Variants in PELI2 observed in about 807,000 individuals in gnomAD.
PELI2 encodes pellino E3 ubiquitin protein ligase family member 2.
A neutral mutation model predicts 42.3 loss-of-function variants in PELI2; 23 were observed. The observed-to-expected ratio is 0.54, with a 90% CI of 0.39 to 0.77. PELI2 has a LOEUF of 0.77. PELI2 is among the 30% of genes least tolerant of loss of function. PELI2 has a pLI of 0.00. For synonymous variants in PELI2, 245 were observed against 212.2 expected (o/e 1.15, Z -1.34); for missense variants, 463 against 553.2 (o/e 0.84, Z 1.64).
intron 3 of PELI2, among the ~76,000 whole-genome samples, chr14:56,284,044 A>G (rs762640333): frequency 9.2e-5 from 14 of 152,218 alleles, no homozygotes; most frequent in Non-Finnish European, 1.9e-4. Flanking sequence ...CGTTTTAGTC[A>G]TTCCCATTAA....
chr14:56,295,257 T>C (rs886226405), intron 5 of PELI2, among the ~76,000 whole-genome samples: 6 of 151,922 alleles, frequency 3.9e-5, no homozygotes, highest in Non-Finnish European at 7.4e-5. Flanking sequence ...TTTTGAAAGG[T>C]CAATCAGTTC....
Position 56,121,161 on chromosome 14 carries a change from A to C in PELI2, c.77+2424A>C, listed in dbSNP as rs182923669. On this transcript the variant is annotated intron_variant, in intron 1 of 5. Coordinates refer to ENST00000267460, the MANE Select transcript of PELI2 (RefSeq NM_021255.3). ...CAGAAAATTTCAAGTAGATTTTCTGAATAATGAGATGATTCCTGAGATCTA... is the reference window on the plus strand; with the variant it reads ...CAGAAAATTTCAAGTAGATTTTCTGCATAATGAGATGATTCCTGAGATCTA... Among the ~76,000 whole-genome samples, 8 of 152,224 alleles carry C rather than the reference A, an allele frequency of 5.3e-5. No homozygotes were observed. The East Asian group carries it at 1.5e-3, about 29-fold the overall frequency.
At chr14:56,260,421 A>G (rs1251497407) in intron 2 of PELI2, among the ~76,000 whole-genome samples, 2 of 152,186 alleles carry the variant, frequency 1.3e-5, no homozygotes, top group African/African-American at 4.8e-5. Flanking sequence ...AAATTCCAGA[A>G]AAGACAGCTA....
intron 1 of PELI2, among the ~76,000 whole-genome samples, chr14:56,125,751 C>CG (rs1351863448): frequency 6.6e-6 from 1 of 152,122 alleles, no homozygotes; most frequent in Non-Finnish European, 1.5e-5. Flanking sequence ...TTGCCATGTG[C>CG]CCAGAGTGGC....
At chr14:56,284,068 GTTAA>G (rs1889570374) in intron 3 of PELI2, among the ~76,000 whole-genome samples, 1 of 152,106 alleles carries the variant, frequency 6.6e-6, no homozygotes, top group African/African-American at 2.4e-5. Context: ...GATTTCTAGG[GTTAA>G]TTGAGTATTT....
rs150261194 is a variant in PELI2, at chr14:56,181,745, C to T, written c.207+3281C>T. Among the ~76,000 whole-genome samples the T allele has an allele frequency of 4.1e-4, 62 of 152,120 alleles. No homozygotes were observed. The South Asian group carries it at 9.5e-3, about 23-fold the overall frequency. On this transcript the variant is annotated intron_variant, in intron 2 of 5. Transcript: ENST00000267460. Reference sequence around the variant, plus strand: ...CTAAGTCAAATGAGGATGGCAAGTGCGTGCTACTGTTGTGTAATCTCTATT... The same window carrying T: ...CTAAGTCAAATGAGGATGGCAAGTGTGTGCTACTGTTGTGTAATCTCTATT...
At chr14:56,263,815 A>C (rs891034592) in intron 2 of PELI2, among the ~76,000 whole-genome samples, 2 of 152,240 alleles carry the variant, frequency 1.3e-5, no homozygotes, top group Non-Finnish European at 2.9e-5. Context: ...TAGCTGTAAG[A>C]ATAGAAATAT....
chr14:56,258,663 G>A (rs1345075268), intron 2 of PELI2, among the ~76,000 whole-genome samples: 12 of 151,568 alleles, frequency 7.9e-5, no homozygotes, highest in African/African-American at 2.9e-4. Flanking sequence ...TATTGCAATA[G>A]GAAGTTCCAA....
intron 1 of PELI2, among the ~76,000 whole-genome samples, chr14:56,151,062 A>G (rs186878549): frequency 8.3e-4 from 126 of 152,354 alleles, no homozygotes; most frequent in African/African-American, 2.9e-3. Context: ...TGGAACTTAG[A>G]AATAAAAAGT....
chr14:56,233,760 C>G (rs1178304450), intron 2 of PELI2, among the ~76,000 whole-genome samples: 2 of 152,158 alleles, frequency 1.3e-5, no homozygotes, highest in Non-Finnish European at 2.9e-5. Context: ...CAAATGGGAT[C>G]TAATTAAACT....
At chr14:56,139,255 G>A (rs1225805685) in intron 1 of PELI2, among the ~76,000 whole-genome samples, 2 of 152,196 alleles carry the variant, frequency 1.3e-5, no homozygotes, top group Non-Finnish European at 2.9e-5. Context: ...GGGAGAGGAT[G>A]GGGGAGGAGA....
At chr14:56,123,090 G>A (rs1234196332) in intron 1 of PELI2, among the ~76,000 whole-genome samples, 1 of 151,998 alleles carries the variant, frequency 6.6e-6, no homozygotes, top group Non-Finnish European at 1.5e-5. Flanking sequence ...ACAAAAGGAG[G>A]TAGATACCTG....
intron 1 of PELI2, among the ~76,000 whole-genome samples, chr14:56,144,153 T>C (rs1195891923): frequency 3.3e-5 from 5 of 152,270 alleles, no homozygotes; most frequent in African/African-American, 1.2e-4. Context: ...TTGTAACTTC[T>C]TTCGTAGACA....
rs1441991336 is a variant in PELI2, at chr14:56,296,871, G to T, written c.968G>T (p.Gly323Val). 1 of 1,614,042 alleles carries T rather than the reference G, an allele frequency of 6.2e-7. No individual in the cohort carries two copies. Among genetic ancestry groups the T allele is most frequent in the East Asian group, 2.2e-5 (1 of 44,880 alleles). Reference protein sequence around the residue: ...CGHVHGYHNWGHRSDTEANER... With the variant: ...CGHVHGYHNWVHRSDTEANER... ...CACGTGCACGGGTACCACAACTGGG[G>T]CCATCGGAGTGACACGGAGGCCAAC... Residue 323 changes from glycine to valine, a missense_variant, in exon 6 of 6, where the codon GGC (glycine) becomes GTC (valine). Around this residue, in one of 3 missense-constraint regions of PELI2, gnomAD observed 103 missense variants for 129.6 expected, o/e 0.80. Coordinates refer to ENST00000267460, the MANE Select transcript of PELI2 (RefSeq NM_021255.3).
chr14:56,266,454 A>G (rs565254601), intron 2 of PELI2, among the ~76,000 whole-genome samples: 63 of 152,176 alleles, frequency 4.1e-4, no homozygotes, highest in African/African-American at 6.5e-4. Flanking sequence ...TAAGCTGTTC[A>G]TAGTAAATAA....
chr14:56,134,859 C>T (rs1300567632), intron 1 of PELI2, among the ~76,000 whole-genome samples: 2 of 151,416 alleles, frequency 1.3e-5, no homozygotes, highest in South Asian at 2.1e-4. Flanking sequence ...TTTATTACAC[C>T]ATCCCCCAAT....
At chr14:56,215,534 C>T (rs574195158) in intron 2 of PELI2, among the ~76,000 whole-genome samples, 2 of 152,204 alleles carry the variant, frequency 1.3e-5, no homozygotes, top group East Asian at 3.9e-4. Flanking sequence ...AGTTCATGAA[C>T]CAAGACTAAA....
At chr14:56,143,614 T>C (rs965848569) in intron 1 of PELI2, among the ~76,000 whole-genome samples, 2 of 152,194 alleles carry the variant, frequency 1.3e-5, no homozygotes, top group African/African-American at 4.8e-5. Flanking sequence ...CATTTAAATA[T>C]TTATTCAGTT....
rs557846312 is a variant in PELI2, at chr14:56,189,247, C to CTCA, written c.207+10783_207+10784insTCA. The stretch of plus-strand genomic sequence containing the variant: ...CAACTCTGAAATCTCAGTGAGTTGA[C>CTCA]AGCAATAAAGCATGTTTACTACTCA... On this transcript the variant is annotated intron_variant, in intron 2 of 5. Transcript: ENST00000267460. Among the ~76,000 whole-genome samples the CTCA allele has an allele frequency of 4.6e-5, 7 of 152,306 alleles. No homozygotes were observed. The East Asian group carries it at 1.2e-3, about 25-fold the overall frequency.
Sources: allele counts gnomAD v4.1 joint callset (sites outside exome capture counted in the v4.1 genomes callset), GRCh38; gene constraint gnomAD v4.1.1; regional missense constraint gnomAD v4.1.1; transcripts MANE v1.5; gene names NCBI Gene and HGNC (gene_info 2026-07-23, HGNC 2026-07-21).